The following ELAPOR1 variants were observed in gnomAD, a reference collection of about 807,000 sequenced individuals.
ELAPOR1 encodes the protein endosome-lysosome associated apoptosis and autophagy regulator 1, also known as endosome/lysosome-associated apoptosis and autophagy regulator 1.
A neutral mutation model predicts 119.7 loss-of-function variants in ELAPOR1; 77 were observed. The ratio of observed to expected loss-of-function variants is 0.64; its 90% CI spans 0.54 to 0.78. ELAPOR1 has a LOEUF of 0.78. Ranked by LOEUF, ELAPOR1 falls within the 30% of genes least tolerant of loss-of-function variation. ELAPOR1 has a pLI of 0.00. For synonymous variants in ELAPOR1, 481 were observed against 487.2 expected (o/e 0.99, Z 0.17); for missense variants, 1,115 against 1,270.4 (o/e 0.88, Z 1.86).
At chr1:109,180,802 C>T (rs1177393674) in intron 7 of ELAPOR1, among the ~76,000 whole-genome samples, 2 of 151,818 alleles carry the variant, frequency 1.3e-5, no homozygotes, top group African/African-American at 2.4e-5. Context: ...CCTGTCTCTA[C>T]AAAAATAAAA....
intron 1 of ELAPOR1, among the ~76,000 whole-genome samples, chr1:109,138,446 C>T (rs1239017154): frequency 6.6e-6 from 1 of 152,080 alleles, no homozygotes; most frequent in Non-Finnish European, 1.5e-5. Context: ...TCTATTTGGC[C>T]TCTATGGCTC....
intron 3 of ELAPOR1, among the ~76,000 whole-genome samples, chr1:109,166,169 C>G (rs1365074746): frequency 2.0e-5 from 3 of 152,164 alleles, no homozygotes; most frequent in African/African-American, 7.2e-5. Context: ...CCTGCCTCGG[C>G]CTCCCAAAGT....
At chr1:109,114,508 G>A (rs1027981774) in intron 1 of ELAPOR1, among the ~76,000 whole-genome samples, 172 bp downstream of exon 1, 1 of 152,170 alleles carries the variant, frequency 6.6e-6, no homozygotes, top group East Asian at 1.9e-4. Context: ...GAGGAGGCCA[G>A]CACATTGGAG....
chr1:109,190,354 G>A (rs2101110194), intron 11 of ELAPOR1, among the ~76,000 whole-genome samples: 1 of 152,334 alleles, frequency 6.6e-6, no homozygotes, highest in South Asian at 2.1e-4. Flanking sequence ...GGTTAACACA[G>A]CTGCATAGAG....
chr1:109,186,395 A>G (rs1469144194), intron 8 of ELAPOR1, among the ~76,000 whole-genome samples: 1 of 152,204 alleles, frequency 6.6e-6, no homozygotes, highest in Non-Finnish European at 1.5e-5. Context: ...CTCAGCACTA[A>G]GCATGATGCT....
intron 1 of ELAPOR1, among the ~76,000 whole-genome samples, chr1:109,152,039 A>G (rs1650565526): frequency 6.6e-6 from 1 of 151,864 alleles, no homozygotes; most frequent in African/African-American, 2.4e-5. Context: ...ACACCTAGCT[A>G]ATTTTTATAT....
Position 109,188,179 on chromosome 1 carries a change from A to C in ELAPOR1, c.1044A>C (p.Thr348=), listed in dbSNP as rs747352801. ...THTACDANGE[T]QLMYKWAKPK... ...TTGTGCTTAATCCATTTCTGCAGAC[A>C]CAACTCATGTACAAATGGGCCAAGC... Residue 348 remains threonine (T), a splice_region_variant and synonymous_variant, in exon 9 of 22, where the codon ACA becomes ACC. Coordinates refer to ENST00000369939, the MANE Select transcript of ELAPOR1 (RefSeq NM_020775.5). 5 of 1,602,296 alleles carry C rather than the reference A, an allele frequency of 3.1e-6. No homozygotes were observed. In the South Asian group the frequency reaches 5.5e-5, roughly 18 times the overall value.
intron 3 of ELAPOR1, among the ~76,000 whole-genome samples, chr1:109,168,659 T>A (rs1651742192): frequency 6.6e-6 from 1 of 152,128 alleles, no homozygotes; most frequent in African/African-American, 2.4e-5. Context: ...GCCCAAAGAC[T>A]GTGACAGTGA....
In ELAPOR1 at chr1:109,187,822, A is replaced by AT. The variant is rs563211184; in HGVS notation, c.1042-351dup. 5.3e-3 allele frequency among the ~76,000 whole-genome samples: 805 copies of AT among 152,236 alleles called. 7 individuals are homozygous for AT. The highest frequency in any genetic ancestry group is 0.018 in the African/African-American group (767 of 41,542). On this transcript the variant is annotated intron_variant, in intron 8 of 21. Transcript: ENST00000369939. ...CCCTTGTGCCTTTCTGTGTTCTGGG[A>AT]TTTTCACCAGCTGCTTTTCCTGTGA... is the stretch of plus-strand genomic sequence containing the variant.
chr1:109,164,648 G>A lies in ELAPOR1; in HGVS notation c.424G>A (p.Glu142Lys). The A allele has an allele frequency of 6.2e-7, 1 of 1,614,266 alleles. No homozygotes were observed. Among genetic ancestry groups the A allele is most frequent in the Non-Finnish European group, 8.5e-7 (1 of 1,180,036 alleles). Residue 142 changes from glutamate to lysine, a missense_variant, in exon 3 of 22, where the codon GAG becomes AAG. Transcript: ENST00000369939. ...CTTTGCCAGCCTCTCAGCCAACATGGAGCTGGATGACAGTGCTGCTGAGTC... is the reference window on the plus strand; with the variant it reads ...CTTTGCCAGCCTCTCAGCCAACATGAAGCTGGATGACAGTGCTGCTGAGTC... The part of the protein sequence containing the change: ...HGFASLSANM[E>K]LDDSAAESTG...
Position 109,200,777 on chromosome 1 carries a change from C to T in ELAPOR1, c.2850C>T (p.Leu950=), listed in dbSNP as rs776539268. Residue 950 remains leucine (L), a synonymous_variant, in exon 21 of 22, where the codon CTC becomes CTT. Transcript: ENST00000369939. The part of the protein sequence containing the change: ...KYSKLVMNAT[L]KDCDLPAADS... ...CCAAGCTGGTGATGAATGCTACTCT[C>T]AAGGACTGTGACCTGCCAGCAGCTG... The T allele has an allele frequency of 8.1e-6, 13 of 1,614,098 alleles. No individual in the cohort carries two copies. Among genetic ancestry groups the T allele is most frequent in the Middle Eastern group, 1.6e-4 (1 of 6,084 alleles).
chr1:109,193,592 GC>G (rs1653585476), intron 14 of ELAPOR1, among the ~76,000 whole-genome samples: 1 of 152,202 alleles, frequency 6.6e-6, no homozygotes, highest in Non-Finnish European at 1.5e-5. Context: ...CAGTGTTGTT[GC>G]CCCCATGTAC....
chr1:109,144,061 A>ATATATATATATTTT lies in ELAPOR1; in HGVS notation c.154-17832_154-17831insATATATATATTTTT. On this transcript the variant is annotated intron_variant, in intron 1 of 21. Transcript: ENST00000369939. ...TATATATATATATATATATTTATATATTTTTTTTTTTTTTTGAGATGGAGT... is the reference window on the plus strand; with the variant it reads ...TATATATATATATATATATTTATATATATATATATATTTTTTTTTTTTTTTTTTTGAGATGGAGT... 1.9e-4 allele frequency among the ~76,000 whole-genome samples: 17 copies of ATATATATATATTTT among 88,990 alleles called. 2 individuals are homozygous for ATATATATATATTTT. Among genetic ancestry groups the ATATATATATATTTT allele is most frequent in the Admixed American group, 5.1e-4 (4 of 7,816 alleles). The allele number at this position is 88,990 out of a possible 152,430, so 58.4% of individuals were successfully genotyped here. A position where few individuals can be genotyped will look rare whatever the true frequency, so the allele number is the denominator to read the frequency against.
At chr1:109,128,399 T>C (rs1271991171) in intron 1 of ELAPOR1, among the ~76,000 whole-genome samples, 1 of 152,240 alleles carries the variant, frequency 6.6e-6, no homozygotes, top group Non-Finnish European at 1.5e-5. Context: ...TGAAATTGGC[T>C]AATTTTGTGC....
At chr1:109,149,842 G>C (rs892446396) in intron 1 of ELAPOR1, among the ~76,000 whole-genome samples, 5 of 152,156 alleles carry the variant, frequency 3.3e-5, no homozygotes, top group African/African-American at 1.2e-4. Context: ...ATCGTTGAGA[G>C]GGGGGAGCCA....
chr1:109,175,715 TA>T (rs1652229797), intron 7 of ELAPOR1, among the ~76,000 whole-genome samples: 1 of 149,510 alleles, frequency 6.7e-6, no homozygotes, highest in Admixed American at 6.7e-5. Context: ...TAATCCCAGC[TA>T]CTCAGGAGGC....
Position 109,161,998 on chromosome 1 carries a change from C to T in ELAPOR1, c.258C>T (p.Ile86=). ...TGTGCACCAGCCTGCCTGACCCCAT[C>T]AAGGGCACCGAGTGCTGTAAGCAGC... ...PGLCTSLPDP[I]KGTECSFSCN... Residue 86 remains isoleucine, a synonymous_variant, in exon 2 of 22, where the codon ATC becomes ATT. Coordinates refer to ENST00000369939, the MANE Select transcript of ELAPOR1 (RefSeq NM_020775.5). 1 of 1,612,702 alleles carries T rather than the reference C, an allele frequency of 6.2e-7. No individual in the cohort carries two copies. The highest frequency in any genetic ancestry group is 8.5e-7 in the Non-Finnish European group (1 of 1,178,918).
rs763322559 is a variant in ELAPOR1 at position 109,161,967 on chromosome 1, C to G, written c.227C>G (p.Pro76Arg). Residue 76 changes from proline to arginine, a missense_variant, in exon 2 of 22, where the codon CCG (proline) becomes CGG (arginine). By Grantham distance (103) the Pro-to-Arg change is moderately radical. Coordinates refer to ENST00000369939, the MANE Select transcript of ELAPOR1 (RefSeq NM_020775.5). Reference protein sequence around the residue: ...SRWRVAVPHTPGLCTSLPDPI... With the variant: ...SRWRVAVPHTRGLCTSLPDPI... The stretch of plus-strand genomic sequence containing the variant: ...TGGAGGGTCGCCGTGCCGCATACCC[C>G]GGGCCTGTGCACCAGCCTGCCTGAC... 6.2e-7 allele frequency: 1 copy of G among 1,613,914 alleles called. No individual in the cohort carries two copies. The highest frequency in any genetic ancestry group is 1.7e-5 in the Admixed American group (1 of 60,024).
chr1:109,151,551 G>A (rs1482263022), intron 1 of ELAPOR1, among the ~76,000 whole-genome samples: 3 of 152,196 alleles, frequency 2.0e-5, no homozygotes, highest in Non-Finnish European at 4.4e-5. Flanking sequence ...CGCAAGGGCT[G>A]GGCCTGAGAG....
Sources: gnomAD v4.1 joint callset for allele counts (sites outside exome capture counted in the v4.1 genomes callset) on GRCh38, gnomAD v4.1.1 for gene constraint, MANE v1.5 for transcripts, NCBI Gene and HGNC (gene_info 2026-07-23, HGNC 2026-07-21) for gene names.